The following ANXA1 variants were observed in gnomAD, a reference collection of about 807,000 sequenced individuals.
The protein encoded by ANXA1 is annexin I (lipocortin I).
Under a neutral mutation model 47.9 loss-of-function variants are expected in ANXA1, and 39 were observed. The observed-to-expected ratio is 0.81, with a 90% CI of 0.63 to 1.06. The LOEUF is 1.06. Among genes scored for constraint, ANXA1 ranks in the 50% least tolerant of loss-of-function variants. The pLI, the probability that ANXA1 is intolerant of heterozygous loss-of-function variation, is 0.00. For missense variants in ANXA1, 446 were observed against 422.7 expected (o/e 1.06, Z -0.48); for synonymous variants, 146 against 142.5 (o/e 1.02, Z -0.17).
At chr9:73,162,328 C>T (rs931844774) in intron 6 of ANXA1, among the ~76,000 whole-genome samples, 7 of 152,160 alleles carry the variant, frequency 4.6e-5, no homozygotes, top group African/African-American at 1.7e-4. Context: ...AGTGTTTACA[C>T]ACACATAAAT....
At chr9:73,163,087 G>A (rs1824170308) in intron 7 of ANXA1, among the ~76,000 whole-genome samples, 1 of 152,186 alleles carries the variant, frequency 6.6e-6, no homozygotes, top group Non-Finnish European at 1.5e-5. Flanking sequence ...GGGAGCTGGT[G>A]TGTGCAGAGA....
At position 73,166,176 on chromosome 9, in the gene ANXA1, A is replaced by G. The variant is rs1354091684; in HGVS notation, c.786A>G (p.Lys262=). Residue 262 remains lysine, a synonymous_variant, in exon 10 of 13, where the codon AAA becomes AAG. Coordinates refer to ENST00000257497, the MANE Select transcript of ANXA1 (RefSeq NM_000700.3). ...TGGAGTTGAAAGGTGACATTGAGAA[A>G]TGCCTCACAGCTATCGGTATGTAGT... ...LDLELKGDIE[K]CLTAIVKCAT... 5 of 1,611,910 alleles carry G rather than the reference A, an allele frequency of 3.1e-6. No individual in the cohort carries two copies. The South Asian group carries it at 4.4e-5, about 14-fold the overall frequency.
In ANXA1 at chr9:73,158,521, G is replaced by T; in HGVS notation, c.-14-1G>T. ...AAAGCATCTAACTGTTTTCTTTCCA[G>T]ACACTTTTTCAAAAATGGCAATGGT... On this transcript the variant is annotated splice_acceptor_variant, in intron 1 of 12. Coordinates refer to ENST00000257497, the MANE Select transcript of ANXA1 (RefSeq NM_000700.3). LOFTEE classifies it low-confidence loss of function (5UTR_SPLICE). 1.2e-6 allele frequency: 2 copies of T among 1,612,832 alleles called. No homozygotes were observed. The highest frequency in any genetic ancestry group is 2.2e-5 in the South Asian group (2 of 91,006).
intron 8 of ANXA1, among the ~76,000 whole-genome samples, chr9:73,164,211 T>C (rs1824189813): frequency 6.6e-6 from 1 of 152,164 alleles, no homozygotes; most frequent in African/African-American, 2.4e-5. Context: ...GGATAGAGAT[T>C]TCTTTGTGCA....
chr9:73,161,538 A>G (rs1403357316), intron 6 of ANXA1, among the ~76,000 whole-genome samples: 2 of 151,946 alleles, frequency 1.3e-5, no homozygotes, highest in African/African-American at 4.8e-5. Flanking sequence ...CCATTTTCCT[A>G]CTCTCATTTC....
At chr9:73,166,597 T>C in intron 10 of ANXA1, among the ~76,000 whole-genome samples, 1 of 151,982 alleles carries the variant, frequency 6.6e-6, no homozygotes, top group East Asian at 1.9e-4. Flanking sequence ...TCCAGGAGAG[T>C]CTGATTCAGT....
intron 12 of ANXA1, 141 bp from the exon 13 acceptor site, chr9:73,169,910 T>C: frequency 2.0e-6 from 1 of 495,634 alleles, no homozygotes; most frequent in Non-Finnish European, 3.5e-6. Flanking sequence ...AGTTATCTGT[T>C]GTATATATTG....
At chr9:73,163,674 T>A in intron 8 of ANXA1, 142 bp downstream of exon 8, 2 of 745,594 alleles carry the variant, frequency 2.7e-6, no homozygotes, top group Admixed American at 2.9e-5. Context: ...ATGAGGCATG[T>A]CTTTCTGTAG....
In ANXA1 at chr9:73,160,298, T is replaced by TC. The variant is rs757876850; in HGVS notation, c.307dup (p.His103ProfsTer3). ...AAACACTGAAGAAAGCCCTTACAGG[T>TC]CACCTTGAGGAGGTTGTTTTAGCTC... On this transcript the variant is annotated frameshift_variant, in exon 5 of 13. Transcript: ENST00000257497. LOFTEE classifies it high-confidence loss of function. The TC allele has an allele frequency of 5.7e-6, 9 of 1,581,490 alleles. No individual in the cohort carries two copies. The highest frequency in any genetic ancestry group is 7.7e-6 in the Non-Finnish European group (9 of 1,170,296).
Position 73,167,550 on chromosome 9 carries a change from A to G in ANXA1, c.856A>G (p.Met286Val), listed in dbSNP as rs1159927779. The G allele has an allele frequency of 5.6e-6, 9 of 1,613,284 alleles. No homozygotes were observed. Among genetic ancestry groups the G allele is most frequent in the African/African-American group, 5.3e-5 (4 of 74,900 alleles). ...CTTTGCAGAGAAGCTTCATCAAGCC[A>G]TGAAAGTATGTACCATTCTACTTAT... ...AFFAEKLHQAMKGVGTRHKAL... is the reference protein window; with the variant it reads ...AFFAEKLHQAVKGVGTRHKAL... Residue 286 changes from methionine (M) to valine (V), a missense_variant, in exon 11 of 13, where the codon ATG becomes GTG. By Grantham distance (21) the Met-to-Val change is conservative (BLOSUM62 1). Coordinates refer to ENST00000257497, the MANE Select transcript of ANXA1 (RefSeq NM_000700.3).
intron 1 of ANXA1, among the ~76,000 whole-genome samples, chr9:73,156,075 A>G (rs1824040923): frequency 6.8e-6 from 1 of 147,892 alleles, no homozygotes; most frequent in South Asian, 2.1e-4. Context: ...TTTCTTTTGA[A>G]GTTTTTATTT....
rs1244351581 is a variant in ANXA1 at position 73,158,615 on chromosome 9, T to A, written c.66+14T>A. 1.5e-5 allele frequency: 24 copies of A among 1,611,514 alleles called. No individual in the cohort carries two copies. The highest frequency in any genetic ancestry group is 2.0e-5 in the Non-Finnish European group (23 of 1,177,948). On this transcript the variant is annotated intron_variant, in intron 2 of 12. Coordinates refer to ENST00000257497, the MANE Select transcript of ANXA1 (RefSeq NM_000700.3). Reference sequence around the variant, plus strand: ...CAGGAATATGTTGTAAGTAGAGTGATAATAAAATTATGATTACAATATTGA... The same window carrying A: ...CAGGAATATGTTGTAAGTAGAGTGAAAATAAAATTATGATTACAATATTGA...
At chr9:73,153,846 C>T (rs1176528747) in intron 1 of ANXA1, among the ~76,000 whole-genome samples, 1 of 152,080 alleles carries the variant, frequency 6.6e-6, no homozygotes, top group Non-Finnish European at 1.5e-5. Context: ...GGCCTCATGG[C>T]CTGCTCCTGG....
chr9:73,167,430 T>G (rs1824249599), intron 10 of ANXA1, 67 bp from the exon 11 acceptor site: 4 of 1,452,558 alleles, frequency 2.8e-6, no homozygotes, highest in Non-Finnish European at 1.9e-6. Flanking sequence ...TATTTCCTGT[T>G]TCTTTCATAT....
intron 3 of ANXA1, 152 bp downstream of exon 3, chr9:73,158,955 T>A: frequency 1.4e-6 from 1 of 695,170 alleles, no homozygotes; most frequent in Non-Finnish European, 2.4e-6. Context: ...ATTATTTACT[T>A]AACACTGAGG....
chr9:73,163,981 A>G (rs1308845437), intron 8 of ANXA1, among the ~76,000 whole-genome samples: 1 of 152,190 alleles, frequency 6.6e-6, no homozygotes, highest in Non-Finnish European at 1.5e-5. Flanking sequence ...TAACAAGAGT[A>G]TAGGATAAAT....
intron 11 of ANXA1, 150 bp from the exon 12 acceptor site, chr9:73,168,882 T>G (rs1269844638): frequency 2.8e-6 from 1 of 362,664 alleles, no homozygotes. Flanking sequence ...TCGTGTAAGG[T>G]GTGTGTGTGT....
At chr9:73,156,947 T>C (rs1431424772) in intron 1 of ANXA1, among the ~76,000 whole-genome samples, 1 of 152,190 alleles carries the variant, frequency 6.6e-6, no homozygotes, top group Non-Finnish European at 1.5e-5. Flanking sequence ...AGAGAACACA[T>C]TAATTTTCAA....
rs766071933 is a variant in ANXA1, at chr9:73,160,912, C to T, written c.475+19C>T. 6.7e-6 allele frequency: 10 copies of T among 1,494,188 alleles called. No individual in the cohort carries two copies. The highest frequency in any genetic ancestry group is 9.3e-6 in the Non-Finnish European group (10 of 1,073,372). The allele number at this position is 1,494,188 out of a possible 1,614,324, so 92.6% of individuals were successfully genotyped here. Reference sequence around the variant, plus strand: ...AGAGAGGGTAAGTTGTAATGTCCAACAGTCCAAACGCCTTATTTGAAAAGG... The same window carrying T: ...AGAGAGGGTAAGTTGTAATGTCCAATAGTCCAAACGCCTTATTTGAAAAGG... On this transcript the variant is annotated intron_variant, in intron 6 of 12. Coordinates refer to ENST00000257497, the MANE Select transcript of ANXA1 (RefSeq NM_000700.3).
Sources: allele counts gnomAD v4.1 joint callset (sites outside exome capture counted in the v4.1 genomes callset), GRCh38; gene constraint gnomAD v4.1.1; transcripts MANE v1.5; gene names NCBI Gene and HGNC (gene_info 2026-07-23, HGNC 2026-07-21).